KHDRBS3: variants seen among roughly 807,000 people sequenced by gnomAD.
The protein encoded by KHDRBS3 is KH domain-containing, RNA-binding, signal transduction-associated protein 3.
In KHDRBS3, 23 loss-of-function variants were observed where a neutral mutation model predicts 45.6. The observed-to-expected ratio is 0.50, with a 90% CI of 0.36 to 0.72. KHDRBS3 has a LOEUF of 0.72. KHDRBS3 is among the 30% of genes least tolerant of loss of function. The probability of loss-of-function intolerance (pLI) is 0.00; values close to 1 mark genes in which losing one functional copy is unlikely to be tolerated. For missense variants in KHDRBS3, 352 were observed against 424.8 expected, an observed-to-expected ratio of 0.83 and a Z score of 1.51; for synonymous variants, 162 against 156.5, an observed-to-expected ratio of 1.04 and a Z score of -0.26.
At chr8:135,480,699 G>A (rs1822519851) in intron 1 of KHDRBS3, among the ~76,000 whole-genome samples, 1 of 152,134 alleles carries the variant, frequency 6.6e-6, no homozygotes, top group Non-Finnish European at 1.5e-5. Context: ...ATCAATTTGA[G>A]ATAACTATTG....
chr8:135,625,648 T>C (rs957882433), intron 7 of KHDRBS3: 8 of 843,162 alleles, frequency 9.5e-6, no homozygotes, highest in African/African-American at 3.4e-5. Flanking sequence ...AAAAACTTCT[T>C]GAAACACTGA....
At chr8:135,581,848 A>G in intron 5 of KHDRBS3, 30 bp from the exon 6 acceptor site, 3 of 1,491,636 alleles carry the variant, frequency 2.0e-6, no homozygotes, top group Non-Finnish European at 2.7e-6. Context: ...ACTATGATAG[A>G]TACTGCTAAT....
At chr8:135,478,357 A>G (rs1822398529) in intron 1 of KHDRBS3, among the ~76,000 whole-genome samples, 3 of 152,236 alleles carry the variant, frequency 2.0e-5, no homozygotes, top group African/African-American at 7.2e-5. Flanking sequence ...TTAAATAATT[A>G]TGAACTTTTT....
chr8:135,594,754 A>G (rs1828898798), intron 6 of KHDRBS3, among the ~76,000 whole-genome samples: 1 of 152,194 alleles, frequency 6.6e-6, no homozygotes, highest in African/African-American at 2.4e-5. Flanking sequence ...GTGGACTGGG[A>G]TGTGGCACAA....
At chr8:135,486,688 A>G (rs962046017) in intron 1 of KHDRBS3, among the ~76,000 whole-genome samples, 1 of 152,190 alleles carries the variant, frequency 6.6e-6, no homozygotes, top group African/African-American at 2.4e-5. Flanking sequence ...ATATTTAGAT[A>G]TGTATGTCTT....
At chr8:135,550,916 T>C (rs1232958430) in intron 4 of KHDRBS3, among the ~76,000 whole-genome samples, 1 of 152,188 alleles carries the variant, frequency 6.6e-6, no homozygotes, top group Non-Finnish European at 1.5e-5. Context: ...CAGTGTTTTA[T>C]AGTGTTCAGG....
At chr8:135,492,355 G>C (rs567799582) in intron 1 of KHDRBS3, among the ~76,000 whole-genome samples, 1 of 152,136 alleles carries the variant, frequency 6.6e-6, no homozygotes, top group African/African-American at 2.4e-5. Flanking sequence ...TTGTATATCT[G>C]TGGAACTAAT....
intron 1 of KHDRBS3, 145 bp from the exon 2 acceptor site, chr8:135,521,092 G>A (rs772882483): frequency 5.3e-5 from 33 of 618,038 alleles, no homozygotes; most frequent in East Asian, 8.2e-5. Flanking sequence ...TGATGAAACC[G>A]GAAATGTACT....
chr8:135,500,596 T>A (rs1823689948), intron 1 of KHDRBS3, among the ~76,000 whole-genome samples: 1 of 152,136 alleles, frequency 6.6e-6, no homozygotes, highest in Non-Finnish European at 1.5e-5. Context: ...TGAAGATACT[T>A]CCTAGAAGAA....
chr8:135,564,487 A>G (rs894039587), intron 5 of KHDRBS3, among the ~76,000 whole-genome samples: 2 of 152,192 alleles, frequency 1.3e-5, no homozygotes, highest in African/African-American at 2.4e-5. Flanking sequence ...GGTACTCACA[A>G]TTTAATTACC....
chr8:135,489,671 A>G (rs1002132807), intron 1 of KHDRBS3, among the ~76,000 whole-genome samples: 2 of 152,172 alleles, frequency 1.3e-5, no homozygotes, highest in Non-Finnish European at 2.9e-5. Context: ...ACAGAGCGAG[A>G]CTCCATCTCA....
intron 1 of KHDRBS3, among the ~76,000 whole-genome samples, chr8:135,518,012 A>T (rs78031499): frequency 5.3e-5 from 8 of 152,196 alleles, no homozygotes; most frequent in African/African-American, 1.9e-4. Flanking sequence ...TAAAATACTT[A>T]ATTCCTAATT....
intron 7 of KHDRBS3, among the ~76,000 whole-genome samples, chr8:135,617,230 C>CTTTTATTTTA (rs201401672): frequency 1.5e-5 from 2 of 132,754 alleles, no homozygotes; most frequent in African/African-American, 2.9e-5. Context: ...TTTTTAGCTA[C>CTTTTATTTTA]TTTTATTTTA....
At chr8:135,513,680 T>C (rs566537077) in intron 1 of KHDRBS3, among the ~76,000 whole-genome samples, 1 of 152,334 alleles carries the variant, frequency 6.6e-6, no homozygotes, top group Non-Finnish European at 1.5e-5. Context: ...AAGTGGACCC[T>C]TTTGCCATTA....
intron 1 of KHDRBS3, chr8:135,458,244 G>T: frequency 8.7e-7 from 1 of 1,153,584 alleles, no homozygotes; most frequent in South Asian, 2.2e-5. Flanking sequence ...TCTGGGTGGG[G>T]GACAGCGACC....
chr8:135,641,490 T>C (rs992248048), intron 7 of KHDRBS3, among the ~76,000 whole-genome samples: 7 of 152,244 alleles, frequency 4.6e-5, no homozygotes, highest in Non-Finnish European at 1.0e-4. Context: ...TTCTGACCCT[T>C]GGAAAGAAGA....
At chr8:135,571,361 A>G (rs1311915008) in intron 5 of KHDRBS3, among the ~76,000 whole-genome samples, 2 of 152,160 alleles carry the variant, frequency 1.3e-5, no homozygotes, top group Non-Finnish European at 2.9e-5. Context: ...TAATAGTTTT[A>G]CTCAAAACCT....
intron 6 of KHDRBS3, among the ~76,000 whole-genome samples, chr8:135,606,726 AG>A (rs1829481940): frequency 6.6e-6 from 1 of 152,214 alleles, no homozygotes; most frequent in African/African-American, 2.4e-5. Context: ...GTTAATTTCC[AG>A]GGTTCTGAAA....
intron 1 of KHDRBS3, among the ~76,000 whole-genome samples, chr8:135,474,539 T>A (rs2130247189): frequency 6.6e-6 from 1 of 152,348 alleles, no homozygotes; most frequent in African/African-American, 2.4e-5. Flanking sequence ...CAGTTTATAT[T>A]GTTTAATAGT....
Sources: gnomAD v4.1 joint callset for allele counts (sites outside exome capture counted in the v4.1 genomes callset) on GRCh38, gnomAD v4.1.1 for gene constraint, MANE v1.5 for transcripts, NCBI Gene and HGNC (gene_info 2026-07-23, HGNC 2026-07-21) for gene names.